ZNF385B: variants seen among roughly 807,000 people sequenced by gnomAD.
ZNF385B encodes zinc finger protein 385B, also known as zinc finger protein 533.
A neutral mutation model predicts 39.2 loss-of-function variants in ZNF385B; 23 were observed. The ratio of observed to expected loss-of-function variants is 0.59; its 90% confidence interval spans 0.42 to 0.83. The LOEUF (loss-of-function observed/expected upper bound fraction) is 0.83. ZNF385B is among the 40% of genes least tolerant of loss of function. The probability of loss-of-function intolerance (pLI) is 0.00; values close to 1 mark genes in which losing one functional copy is unlikely to be tolerated. For missense variants in ZNF385B, 552 were observed against 598.9 expected (o/e 0.92, Z 0.82); for synonymous variants, 205 against 222.6 (o/e 0.92, Z 0.70).
intron 3 of ZNF385B, among the ~76,000 whole-genome samples, chr2:179,672,039 TATG>T (rs1696080338): frequency 6.6e-6 from 1 of 152,214 alleles, no homozygotes; most frequent in Non-Finnish European, 1.5e-5. Context: ...TGACATGGGC[TATG>T]CCCTACAAAG....
intron 3 of ZNF385B, among the ~76,000 whole-genome samples, chr2:179,579,378 A>T (rs1686221934): frequency 1.3e-5 from 2 of 152,094 alleles, no homozygotes; most frequent in Admixed American, 1.3e-4. Context: ...TGAGAACAAA[A>T]TGACCTCAAT....
intron 3 of ZNF385B, among the ~76,000 whole-genome samples, chr2:179,753,571 C>T (rs1232823939): frequency 2.0e-5 from 3 of 152,150 alleles, no homozygotes; most frequent in Non-Finnish European, 4.4e-5. Context: ...TATCCATGAC[C>T]ATGGAATTCT....
At chr2:179,687,690 C>G (rs10497547) in intron 3 of ZNF385B, among the ~76,000 whole-genome samples, 17,320 of 152,128 alleles carry the variant, frequency 0.11, 1,382 homozygotes, top group African/African-American at 0.22. Context: ...GGCCTTAGTT[C>G]AAGTTGTGGC....
intron 3 of ZNF385B, among the ~76,000 whole-genome samples, chr2:179,635,310 C>T (rs1170678673): frequency 6.9e-6 from 1 of 144,284 alleles, no homozygotes; most frequent in Non-Finnish European, 1.5e-5. Context: ...CGCATGTTCT[C>T]ACTCATATGT....
intron 3 of ZNF385B, among the ~76,000 whole-genome samples, chr2:179,650,429 A>G (rs1201025886): frequency 6.6e-6 from 1 of 152,230 alleles, no homozygotes; most frequent in Non-Finnish European, 1.5e-5. Context: ...AAATCACAAA[A>G]ATAGGTATGT....
At chr2:179,535,625 A>G (rs1308607620) in intron 4 of ZNF385B, among the ~76,000 whole-genome samples, 3 of 152,200 alleles carry the variant, frequency 2.0e-5, no homozygotes, top group African/African-American at 7.2e-5. Flanking sequence ...AATATGCTAA[A>G]TCCCTCTGAT....
At chr2:179,562,511 T>C (rs941485765) in intron 3 of ZNF385B, 1 of 985,374 alleles carries the variant, frequency 1.0e-6, no homozygotes, top group East Asian at 1.1e-4. Context: ...CCGTGAAATG[T>C]GGTGCTAGGA....
chr2:179,774,241 G>A (rs1293277588), intron 1 of ZNF385B, among the ~76,000 whole-genome samples: 1 of 151,504 alleles, frequency 6.6e-6, no homozygotes, highest in Non-Finnish European at 1.5e-5. Context: ...GGGATATGTG[G>A]GTATAGTGGA....
At chr2:179,703,435 C>T (rs11885369) in intron 3 of ZNF385B, among the ~76,000 whole-genome samples, 73,950 of 152,030 alleles carry the variant, frequency 0.49, 18,372 homozygotes, top group East Asian at 0.69. Context: ...TTAGTACTCA[C>T]CACTCTTTAA....
chr2:179,566,449 C>T (rs1364866196), intron 3 of ZNF385B, among the ~76,000 whole-genome samples: 1 of 152,180 alleles, frequency 6.6e-6, no homozygotes, highest in East Asian at 1.9e-4. Context: ...GATACTCAGT[C>T]TTCCTTGCAA....
intron 1 of ZNF385B, among the ~76,000 whole-genome samples, chr2:179,775,818 C>A: frequency 6.6e-6 from 1 of 152,252 alleles, no homozygotes; most frequent in African/African-American, 2.4e-5. Context: ...GGAACTTAAA[C>A]TGCTTTCCAC....
At chr2:179,497,792 C>T (rs944413225) in intron 5 of ZNF385B, among the ~76,000 whole-genome samples, 8 of 152,156 alleles carry the variant, frequency 5.3e-5, no homozygotes, top group African/African-American at 1.9e-4. Context: ...GATGAAGAAA[C>T]AAAACCCATT....
intron 3 of ZNF385B, chr2:179,745,648 T>TA: frequency 1.4e-6 from 2 of 1,400,024 alleles, no homozygotes; most frequent in Non-Finnish European, 1.9e-6. Context: ...CAGCATAACA[T>TA]ACAAAAGAAT....
At chr2:179,826,670 CT>C (rs371217441) in intron 1 of ZNF385B, among the ~76,000 whole-genome samples, 223 of 151,976 alleles carry the variant, frequency 1.5e-3, no homozygotes, top group Middle Eastern at 6.8e-3. Context: ...TTGTTTCATT[CT>C]TTTTTTTAAT....
chr2:179,693,400 A>G (rs1698498681), intron 3 of ZNF385B, among the ~76,000 whole-genome samples: 1 of 152,218 alleles, frequency 6.6e-6, no homozygotes. Flanking sequence ...TATTCTCTAA[A>G]TATATGAATA....
intron 4 of ZNF385B, among the ~76,000 whole-genome samples, chr2:179,523,360 T>TTG (rs2058647457): frequency 6.6e-6 from 1 of 151,544 alleles, no homozygotes; most frequent in African/African-American, 2.4e-5. Flanking sequence ...TTTTTTTTTT[T>TTG]TTTTTTTAAA....
chr2:179,800,617 C>T (rs1190054822), intron 1 of ZNF385B, among the ~76,000 whole-genome samples: 1 of 151,966 alleles, frequency 6.6e-6, no homozygotes, highest in Non-Finnish European at 1.5e-5. Context: ...TTGCATGCTG[C>T]CAATACTTGT....
intron 3 of ZNF385B, among the ~76,000 whole-genome samples, chr2:179,643,227 T>G (rs570223404): frequency 5.3e-5 from 1 of 18,764 alleles, no homozygotes; most frequent in Non-Finnish European, 1.0e-4. Flanking sequence ...TCTCAATACT[T>G]AAATACATTG....
chr2:179,485,013 T>C (rs1485347811), intron 5 of ZNF385B, among the ~76,000 whole-genome samples: 3 of 152,060 alleles, frequency 2.0e-5, no homozygotes, highest in African/African-American at 7.2e-5. Flanking sequence ...AGATGTGTAG[T>C]TATGTAGAGA....
Sources: allele counts gnomAD v4.1 joint callset (sites outside exome capture counted in the v4.1 genomes callset), GRCh38; gene constraint gnomAD v4.1.1; transcripts MANE v1.5; gene names NCBI Gene and HGNC (gene_info 2026-07-23, HGNC 2026-07-21).